The following DAB2IP variants were observed in gnomAD, a reference collection of about 807,000 sequenced individuals.
DAB2IP encodes disabled homolog 2-interacting protein.
DAB2IP carries 28 observed loss-of-function variants against 107.2 expected under a neutral mutation model. The ratio of observed to expected loss-of-function variants is 0.26; its 90% CI spans 0.19 to 0.36. The LOEUF is 0.36. DAB2IP is among the 10% of genes least tolerant of loss of function. DAB2IP has a pLI of 1.00. For missense variants in DAB2IP, 1,400 were observed against 1,644.7 expected (o/e 0.85, Z 2.57); for synonymous variants, 755 against 706.4 (o/e 1.07, Z -1.09).
At position 121,782,608 on chromosome 9, in the gene DAB2IP, G is replaced by C; in HGVS notation, c.*110G>C. ...GGTTGCAGCCCCAGCGCGGGTGTCA[G>C]GAGGCCGAGCCTCCCCTCCCTGCCG... On this transcript the variant is annotated 3_prime_UTR_variant, in exon 16 of 16. Coordinates refer to ENST00000408936, the Ensembl canonical transcript of DAB2IP. The surrounding 1 kb of genome is among the most constrained non-coding windows in gnomAD (Gnocchi z 6.1). 6.6e-7 allele frequency: 1 copy of C among 1,522,820 alleles called. No individual in the cohort carries two copies. The highest frequency in any genetic ancestry group is 1.3e-5 in the South Asian group (1 of 78,082). 94.3% of individuals were successfully genotyped at this position (1,522,820 alleles called of 1,614,324 possible). A position where few individuals can be genotyped will look rare whatever the true frequency, so the allele number is the denominator to read the frequency against.
intron 10 of DAB2IP, 120 bp downstream of exon 10, chr9:121,768,753 T>G: frequency 7.9e-7 from 1 of 1,263,346 alleles, no homozygotes; most frequent in East Asian, 2.5e-5. Context: ...TCAGGCCAGG[T>G]CCTGTCAGAA....
chr9:121,626,714 G>A (rs1408539285), intron 1 of DAB2IP, among the ~76,000 whole-genome samples: 8 of 151,998 alleles, frequency 5.3e-5, no homozygotes, highest in South Asian at 2.1e-4. Flanking sequence ...GTGAGCCACC[G>A]CGCCCAGCCA....
chr9:121,721,330 AG>A (rs2118816988), intron 3 of DAB2IP, among the ~76,000 whole-genome samples: 1 of 152,364 alleles, frequency 6.6e-6, no homozygotes, highest in South Asian at 2.1e-4. Context: ...TCAGGGAAGC[AG>A]CATAGCACTC....
chr9:121,653,419 G>A (rs1447171819), intron 1 of DAB2IP, among the ~76,000 whole-genome samples: 1 of 152,022 alleles, frequency 6.6e-6, no homozygotes, highest in Non-Finnish European at 1.5e-5. Context: ...CCTTCCCCTG[G>A]ACTTGGTCTG....
At chr9:121,713,573 G>T (rs1830442103) in intron 3 of DAB2IP, among the ~76,000 whole-genome samples, 1 of 152,126 alleles carries the variant, frequency 6.6e-6, no homozygotes, top group South Asian at 2.1e-4. Context: ...CTCAACTTTG[G>T]CCAGTAGTGG....
In DAB2IP at chr9:121,698,999, C is replaced by T. The variant is rs1829584905; in HGVS notation, c.229-326C>T. On this transcript the variant is annotated intron_variant, in intron 2 of 15. Transcript: ENST00000408936. The surrounding 1 kb of genome is among the most constrained non-coding windows in gnomAD (Gnocchi z 4.1). ...AGCCCCGCCCCCTCGTCCCGGTACTCCCCCTCGCCCCGGCGCCCGGGGGGC... is the reference window on the plus strand; with the variant it reads ...AGCCCCGCCCCCTCGTCCCGGTACTTCCCCTCGCCCCGGCGCCCGGGGGGC... Among the ~76,000 whole-genome samples the T allele has an allele frequency of 6.6e-6, 1 of 151,458 alleles. No individual in the cohort carries two copies. The highest frequency in any genetic ancestry group is 1.5e-5 in the Non-Finnish European group (1 of 67,786).
intron 1 of DAB2IP, among the ~76,000 whole-genome samples, chr9:121,580,406 C>G (rs1193501735): frequency 6.6e-6 from 1 of 152,152 alleles, no homozygotes; most frequent in Non-Finnish European, 1.5e-5. Flanking sequence ...AGGCCAGGTA[C>G]AGTGGCTCGT....
At chr9:121,779,829 T>C (rs1835469094) in intron 14 of DAB2IP, among the ~76,000 whole-genome samples, 2 of 152,268 alleles carry the variant, frequency 1.3e-5, no homozygotes, top group Non-Finnish European at 2.9e-5. Context: ...GGGAGCTATG[T>C]GGAGTTTCTC....
At chr9:121,642,014 TCTC>T (rs1832347097) in intron 1 of DAB2IP, among the ~76,000 whole-genome samples, 1 of 26,656 alleles carries the variant, frequency 3.8e-5, no homozygotes, top group Non-Finnish European at 6.7e-5. Flanking sequence ...TCTCTCTCTC[TCTC>T]TCTCTCTCTC....
Position 121,774,365 on chromosome 9 carries a change from C to CA in DAB2IP, c.3074dup (p.His1025GlnfsTer4). On this transcript the variant is annotated frameshift_variant, in exon 13 of 16. Transcript: ENST00000408936. LOFTEE classifies it high-confidence loss of function. ...CGAGGGCCTGGGCCCAGACCCCCCC[C>CA]ACAGGGATAGGCTAAGGAGTAAGGA... The CA allele has an allele frequency of 6.2e-7, 1 of 1,612,904 alleles. No homozygotes were observed.
chr9:121,784,303 A>C, exon 16 of DAB2IP: 1 of 153,536 alleles, frequency 6.5e-6, no homozygotes, highest in East Asian at 1.9e-4. Flanking sequence ...GTGGCCACAC[A>C]GGCAGGGCCT....
At chr9:121,671,784 CCCTT>C (rs1306109460) in intron 1 of DAB2IP, among the ~76,000 whole-genome samples, 1 of 152,206 alleles carries the variant, frequency 6.6e-6, no homozygotes, top group Non-Finnish European at 1.5e-5. Flanking sequence ...ATAGTGTCCT[CCCTT>C]CCTTGCTGTG....
intron 3 of DAB2IP, among the ~76,000 whole-genome samples, chr9:121,740,307 C>G (rs1832248090): frequency 6.6e-6 from 1 of 152,308 alleles, no homozygotes; most frequent in East Asian, 1.9e-4. Context: ...TCCACCCACT[C>G]TCTGGAAGGC....
In DAB2IP at chr9:121,770,755, G is replaced by A. The variant is rs1324100364; in HGVS notation, c.2078+31G>A. The A allele has an allele frequency of 2.5e-6, 4 of 1,609,468 alleles. No homozygotes were observed. The East Asian group carries it at 6.7e-5, about 27-fold the overall frequency. ...AGCTGCCAGCCATGTTGGGTGTGGT[G>A]GGTGCGTGTGCAGACTAGGCACAGC... On this transcript the variant is annotated intron_variant, in intron 11 of 15. Coordinates refer to ENST00000408936, the Ensembl canonical transcript of DAB2IP.
intron 1 of DAB2IP, among the ~76,000 whole-genome samples, chr9:121,642,025 CTCTCTCTT>C (rs1326031560): frequency 1.4e-3 from 15 of 10,878 alleles, no homozygotes; most frequent in Non-Finnish European, 2.2e-3. Context: ...CTCTCTCTCT[CTCTCTCTT>C]TCTTTCTTTC....
Position 121,586,715 on chromosome 9 carries a change from G to A in DAB2IP, c.40+19487G>A, listed in dbSNP as rs7868001. ...TATACCTTCAGTCCCAGCTACTTGG[G>A]AGTCTGAGGTGGGAGGATCGCTTTA... On this transcript the variant is annotated intron_variant, in intron 1 of 16. Coordinates refer to the DAB2IP transcript ENST00000259371. Among the ~76,000 whole-genome samples the A allele has an allele frequency of 8.8e-3, 1,335 of 152,204 alleles. 22 individuals carry two copies. The highest frequency in any genetic ancestry group is 0.029 in the African/African-American group (1,220 of 41,524).
At chr9:121,758,702 G>A (rs566476155) in intron 4 of DAB2IP, among the ~76,000 whole-genome samples, 196 bp from the exon 5 acceptor site, 1 of 152,266 alleles carries the variant, frequency 6.6e-6, no homozygotes, top group East Asian at 1.9e-4. Context: ...ACTTGCCCTG[G>A]GACAGTGGCT....
intron 1 of DAB2IP, among the ~76,000 whole-genome samples, chr9:121,622,141 A>G (rs1831496194): frequency 6.6e-6 from 1 of 151,470 alleles, no homozygotes; most frequent in Non-Finnish European, 1.5e-5. Context: ...GGCGTGTGCC[A>G]CCACGCTCGG....
At chr9:121,678,697 G>C in exon 2 of DAB2IP, 1 of 1,578,466 alleles carries the variant, frequency 6.3e-7, no homozygotes, top group Non-Finnish European at 8.6e-7. Context: ...AAGAAAGGCC[G>C]GGCTCTCGGC....
Sources: gnomAD v4.1 joint callset for allele counts (sites outside exome capture counted in the v4.1 genomes callset) on GRCh38, gnomAD v4.1.1 for gene constraint, Gnocchi (gnomAD v3.1) non-coding constraint, MANE v1.5 for transcripts, NCBI Gene and HGNC (gene_info 2026-07-23, HGNC 2026-07-21) for gene names.